DIDO1: variants seen among roughly 807,000 people sequenced by gnomAD.
The protein encoded by DIDO1 is death inducer-obliterator 1, also known as death-inducer obliterator 1.
In DIDO1, 16 loss-of-function variants were observed where a neutral mutation model predicts 99.4. The ratio of observed to expected loss-of-function variants is 0.16; its 90% confidence interval spans 0.11 to 0.24. The LOEUF (loss-of-function observed/expected upper bound fraction) is 0.24. DIDO1 is among the 10% of genes least tolerant of loss of function. The pLI is 1.00. For synonymous variants in DIDO1, 1,366 were observed against 1,239.1 expected, an observed-to-expected ratio of 1.10 and a Z score of -2.15; for missense variants, 2,996 against 3,014.0, an observed-to-expected ratio of 0.99 and a Z score of 0.14.
intron 1 of DIDO1, among the ~76,000 whole-genome samples, chr20:62,923,740 G>A (rs1176209878): frequency 6.6e-6 from 1 of 151,940 alleles, no homozygotes; most frequent in Non-Finnish European, 1.5e-5. Context: ...CTTCATTTTG[G>A]AAAAAAAGTT....
Position 62,894,713 on chromosome 20 carries a change from G to A in DIDO1, c.2436+97C>T. The stretch of plus-strand genomic sequence containing the variant: ...AATGCCACAATGACATACACCTGCT[G>A]TAAGCTCAGGTCCTGCCCAATAATT... On this transcript the variant is annotated intron_variant, in intron 10 of 15. Coordinates refer to ENST00000395343, the MANE Select transcript of DIDO1 (RefSeq NM_001193369.2). The surrounding 1 kb of genome is among the most constrained non-coding windows in gnomAD (Gnocchi z 4.4). 2.1e-6 allele frequency: 3 copies of A among 1,416,358 alleles called. No individual in the cohort carries two copies. The highest frequency in any genetic ancestry group is 1.9e-6 in the Non-Finnish European group (2 of 1,051,758). The allele number at this position is 1,416,358 out of a possible 1,614,324, so 87.7% of individuals were successfully genotyped here.
At chr20:62,931,766 A>G (rs545662298) in intron 1 of DIDO1, among the ~76,000 whole-genome samples, 1 of 152,286 alleles carries the variant, frequency 6.6e-6, no homozygotes, top group African/African-American at 2.4e-5. Flanking sequence ...ATGCCTTGGG[A>G]GTATGGGACC....
At chr20:62,917,492 T>C (rs1012551854) in intron 1 of DIDO1, among the ~76,000 whole-genome samples, 6 of 152,172 alleles carry the variant, frequency 3.9e-5, no homozygotes. Flanking sequence ...ACATCACTCG[T>C]TTTGGACAAA....
rs751623461 is a variant in DIDO1, at chr20:62,893,741, G to C, written c.3026C>G (p.Pro1009Arg). The change falls in exon 12 of 16, where the codon CCC becomes CGC. Residue 1009 changes from proline (P) to arginine (R), a missense_variant. Coordinates refer to ENST00000395343, the MANE Select transcript of DIDO1 (RefSeq NM_001193369.2). ...PKPVLTSVMV[P>R]KSILAKPSSS... is the part of the protein sequence containing the mutation. ...GGATGGCTTAGCTAGTATGGACTTG[G>C]GCACCATCACAGAAGTCAAGACAGG... is the stretch of plus-strand genomic sequence containing the variant. 2 of 1,614,180 alleles carry C rather than the reference G, an allele frequency of 1.2e-6. No homozygotes were observed. Among genetic ancestry groups the C allele is most frequent in the African/African-American group, 1.3e-5 (1 of 75,058 alleles).
intron 15 of DIDO1, among the ~76,000 whole-genome samples, chr20:62,884,456 G>A (rs1010770022): frequency 1.3e-5 from 2 of 152,148 alleles, no homozygotes; most frequent in Non-Finnish European, 2.9e-5. Flanking sequence ...ATAATTTAAC[G>A]TGACTGTGGT....
intron 4 of DIDO1, 45 bp downstream of exon 4, chr20:62,909,654 G>C: frequency 6.3e-7 from 1 of 1,597,560 alleles, no homozygotes; most frequent in Non-Finnish European, 8.6e-7. Flanking sequence ...ACTGAAACCA[G>C]TGAGGCCGAC....
chr20:62,931,252 A>G (rs887349146), upstream of DIDO1, among the ~76,000 whole-genome samples: 12 of 152,220 alleles, frequency 7.9e-5, no homozygotes, highest in African/African-American at 1.2e-4. Context: ...CAGTATTTCT[A>G]TATCTTCTGC....
At chr20:62,909,066 G>A (rs1431642888) in intron 4 of DIDO1, among the ~76,000 whole-genome samples, 1 of 152,230 alleles carries the variant, frequency 6.6e-6, no homozygotes. Context: ...AGCTAATGCA[G>A]TGCAAGAGTG....
At chr20:62,927,909 T>C (rs527804387), upstream of DIDO1, among the ~76,000 whole-genome samples, 2 of 152,216 alleles carry the variant, frequency 1.3e-5, no homozygotes, top group East Asian at 3.9e-4. Flanking sequence ...CAAAGAGGGC[T>C]TTTTGCTCTC....
chr20:62,905,150 C>A lies in DIDO1; in HGVS notation c.1588+737G>T, dbSNP rs1021033840. On this transcript the variant is annotated intron_variant, in intron 6 of 15. Transcript: ENST00000395343. ...TGGGGCAGGATATGATCTTAAGAGTCTAAACATTCAAGAGACGAGGGCAAG... is the reference window on the plus strand; with the variant it reads ...TGGGGCAGGATATGATCTTAAGAGTATAAACATTCAAGAGACGAGGGCAAG... The A allele has an allele frequency of 1.1e-5, 11 of 1,033,766 alleles. No individual in the cohort carries two copies. The African/African-American group carries it at 1.5e-4, about 14-fold the overall frequency. 64.0% of individuals were successfully genotyped at this position (1,033,766 alleles called of 1,614,324 possible).
At chr20:62,924,355 A>T (rs1436256946) in intron 1 of DIDO1, among the ~76,000 whole-genome samples, 3 of 152,212 alleles carry the variant, frequency 2.0e-5, no homozygotes, top group African/African-American at 7.2e-5. Context: ...AAACACTTTC[A>T]ATCTTAGCTC....
chr20:62,930,887 G>A (rs186786966), upstream of DIDO1, among the ~76,000 whole-genome samples: 1 of 152,336 alleles, frequency 6.6e-6, no homozygotes, highest in East Asian at 1.9e-4. Flanking sequence ...GAATCTGGAT[G>A]TTATTCTCAG....
chr20:62,907,005 G>A (rs771756787), intron 5 of DIDO1, 142 bp downstream of exon 5: 2 of 799,622 alleles, frequency 2.5e-6, no homozygotes, highest in Non-Finnish European at 4.1e-6. Flanking sequence ...GTGGGAAGGT[G>A]GAAGACAAAG....
At chr20:62,929,569 G>A (rs1367802262), upstream of DIDO1, among the ~76,000 whole-genome samples, 1 of 151,766 alleles carries the variant, frequency 6.6e-6, no homozygotes, top group African/African-American at 2.4e-5. Flanking sequence ...TGTGCTCCAG[G>A]GCCTCAGTGC....
chr20:62,888,103 T>G (rs2064326083), intron 15 of DIDO1: 1 of 985,354 alleles, frequency 1.0e-6, no homozygotes, highest in African/African-American at 1.7e-5. Context: ...GACTTAAGTT[T>G]CCCCTGAGGG....
At chr20:62,917,582 C>T (rs968260231) in intron 1 of DIDO1, among the ~76,000 whole-genome samples, 5 of 152,176 alleles carry the variant, frequency 3.3e-5, no homozygotes, top group Admixed American at 1.3e-4. Context: ...CGAGACCACT[C>T]GGCTCCCAGC....
In DIDO1 at chr20:62,879,552, C is replaced by T. The variant is rs759507611; in HGVS notation, c.6404G>A (p.Trp2135Ter). ...RERDWDRPREWDRHRDKDSSR... is the reference protein window; with the variant it reads ...RERDWDRPRE ...GGAGTCCTTGTCCCGGTGTCGGTCC[C>T]ACTCCCGGGGCCGGTCCCAGTCCCG... is the stretch of plus-strand genomic sequence containing the variant. The change falls in exon 16 of 16, where the codon TGG (tryptophan) becomes TAG (stop). Residue 2135 changes from tryptophan (W) to a stop codon, truncating the protein, a stop_gained. Coordinates refer to ENST00000395343, the MANE Select transcript of DIDO1 (RefSeq NM_001193369.2). LOFTEE classifies it low-confidence loss of function (END_TRUNC). This position sits in a 1 kb window ranked among gnomAD's most constrained non-coding sequence, Gnocchi z 6.3. 6.2e-7 allele frequency: 1 copy of T among 1,601,148 alleles called. No individual in the cohort carries two copies. Among genetic ancestry groups the T allele is most frequent in the Non-Finnish European group, 8.5e-7 (1 of 1,179,424 alleles).
chr20:62,891,006 G>T lies in DIDO1; in HGVS notation c.3495C>A (p.Ser1165Arg), dbSNP rs749107622. 5 of 1,614,030 alleles carry T rather than the reference G, an allele frequency of 3.1e-6. No individual in the cohort carries two copies. The highest frequency in any genetic ancestry group is 4.2e-6 in the Non-Finnish European group (5 of 1,180,044). Residue 1165 changes from serine (S) to arginine (R), a missense_variant, in exon 15 of 16, where the codon AGC becomes AGA. Physicochemically the swap from Ser to Arg is moderately radical, Grantham distance 110. Coordinates refer to ENST00000395343, the MANE Select transcript of DIDO1 (RefSeq NM_001193369.2). ...GTTTGGATGGAACAGGGTCCTGGGC[G>T]CTCAGCGGGATCAGGTAGAGGTCCT... ...HVKDLYLIPL[S>R]AQDPVPSKLL...
Position 62,879,352 on chromosome 20 carries a change from C to A in DIDO1, c.6604G>T (p.Ala2202Ser). 1.3e-6 allele frequency: 2 copies of A among 1,551,276 alleles called. No individual in the cohort carries two copies. Among genetic ancestry groups the A allele is most frequent in the Non-Finnish European group, 1.7e-6 (2 of 1,149,872 alleles). ...SRSRERDRDK[A>S]RDRERGRDRK... Reference sequence around the variant, plus strand: ...TCGCGGCCCCGCTCCCTGTCCCTGGCCTTGTCTCGGTCCCGCTCTCTGCTC... The same window carrying A: ...TCGCGGCCCCGCTCCCTGTCCCTGGACTTGTCTCGGTCCCGCTCTCTGCTC... Residue 2202 changes from alanine to serine, a missense_variant, in exon 16 of 16, where the codon GCC (alanine) becomes TCC (serine). Ala to Ser is a moderately conservative substitution (Grantham distance 99). Around this residue, in one of 5 missense-constraint regions of DIDO1, gnomAD observed 1,562 missense variants for 1,412.6 expected, o/e 1.11. Coordinates refer to ENST00000395343, the MANE Select transcript of DIDO1 (RefSeq NM_001193369.2). This position sits in a 1 kb window ranked among gnomAD's most constrained non-coding sequence, Gnocchi z 6.3.
Sources: gnomAD v4.1 joint callset for allele counts (sites outside exome capture counted in the v4.1 genomes callset) on GRCh38, gnomAD v4.1.1 for gene constraint, gnomAD v4.1.1 regional missense constraint, Gnocchi (gnomAD v3.1) non-coding constraint, MANE v1.5 for transcripts, NCBI Gene and HGNC (gene_info 2026-07-23, HGNC 2026-07-21) for gene names.